CTSS: variants seen among roughly 807,000 people sequenced by gnomAD.
The protein encoded by CTSS is cathepsin S.
In CTSS, 15 loss-of-function variants were observed where a neutral mutation model predicts 39.9. The ratio of observed to expected loss-of-function variants is 0.38; its 90% confidence interval spans 0.25 to 0.58. CTSS has a LOEUF of 0.58. CTSS is among the 20% of genes least tolerant of loss of function. The pLI, the probability that CTSS is intolerant of heterozygous loss-of-function variation, is 0.70. For synonymous variants in CTSS, 126 were observed against 138.2 expected, an observed-to-expected ratio of 0.91 and a Z score of 0.62; for missense variants, 250 against 398.2, an observed-to-expected ratio of 0.63 and a Z score of 3.17.
At chr1:150,763,160 C>T (rs1182011101) in intron 2 of CTSS, among the ~76,000 whole-genome samples, 1 of 150,280 alleles carries the variant, frequency 6.7e-6, no homozygotes, top group Non-Finnish European at 1.5e-5. Context: ...GTCTAGAGAA[C>T]GTTATGCTAA....
At chr1:150,739,849 A>G (rs1421870414) in intron 7 of CTSS, among the ~76,000 whole-genome samples, 1 of 152,142 alleles carries the variant, frequency 6.6e-6, no homozygotes, top group Non-Finnish European at 1.5e-5. Flanking sequence ...TTCCATTGTA[A>G]GAAGGCTGAT....
At position 150,732,103 on chromosome 1, in the gene CTSS, T is replaced by C. The variant is rs962049608; in HGVS notation, c.*943A>G. The C allele has an allele frequency of 6.6e-6, 1 of 152,244 alleles. No individual in the cohort carries two copies. The highest frequency in any genetic ancestry group is 1.5e-5 in the Non-Finnish European group (1 of 68,154). The allele number at this position is 152,244 out of a possible 1,614,324, so 9.4% of individuals were successfully genotyped here. Reference sequence around the variant, plus strand: ...CTTTTTTATTTTTGTGGAGACAAGGTCTCACTATGTTGTCCAGGCTGGTCT... The same window carrying C: ...CTTTTTTATTTTTGTGGAGACAAGGCCTCACTATGTTGTCCAGGCTGGTCT... On this transcript the variant is annotated 3_prime_UTR_variant, in exon 8 of 8. Transcript: ENST00000368985.
intron 4 of CTSS, among the ~76,000 whole-genome samples, chr1:150,754,178 A>G (rs368237656): frequency 1.4e-5 from 2 of 145,238 alleles, no homozygotes; most frequent in Non-Finnish European, 3.0e-5. Context: ...CAGTGGCAAG[A>G]TCTCAGCTCA....
intron 4 of CTSS, among the ~76,000 whole-genome samples, chr1:150,753,819 T>G (rs963036332): frequency 6.6e-6 from 1 of 151,982 alleles, no homozygotes; most frequent in Non-Finnish European, 1.5e-5. Context: ...TGGTGGTGTG[T>G]GCCTGTAGTC....
chr1:150,763,140 A>G (rs1468080067), intron 2 of CTSS, among the ~76,000 whole-genome samples: 1 of 152,104 alleles, frequency 6.6e-6, no homozygotes, highest in Non-Finnish European at 1.5e-5. Context: ...ATTTTCAACA[A>G]CATGGATGGG....
chr1:150,741,807 G>A (rs906433786), intron 7 of CTSS, among the ~76,000 whole-genome samples: 7 of 151,882 alleles, frequency 4.6e-5, no homozygotes, highest in Non-Finnish European at 8.8e-5. Context: ...CCTGGGAGAC[G>A]GAGGTTGCAG....
At chr1:150,762,288 A>T (rs1346520102) in intron 2 of CTSS, among the ~76,000 whole-genome samples, 1 of 152,214 alleles carries the variant, frequency 6.6e-6, no homozygotes, top group Non-Finnish European at 1.5e-5. Flanking sequence ...AAAATGAATT[A>T]AAGCACAAAC....
intron 4 of CTSS, among the ~76,000 whole-genome samples, 158 bp downstream of exon 4, chr1:150,754,843 C>T (rs1233014105): frequency 3.3e-5 from 5 of 152,024 alleles, no homozygotes; most frequent in Non-Finnish European, 7.4e-5. Flanking sequence ...TGATCCTTGC[C>T]CTTAAGGAAC....
At chr1:150,752,860 T>G (rs587766537) in intron 4 of CTSS, among the ~76,000 whole-genome samples, 3,326 of 152,002 alleles carry the variant, frequency 0.022, 65 homozygotes, top group Non-Finnish European at 0.034. Flanking sequence ...CTTCTTTTTG[T>G]TTGTTTGTTT....
At chr1:150,760,345 G>A (rs1389432191) in intron 2 of CTSS, among the ~76,000 whole-genome samples, 1 of 151,974 alleles carries the variant, frequency 6.6e-6, no homozygotes, top group African/African-American at 2.4e-5. Context: ...ACATATAGAA[G>A]GAATGTTCCT....
intron 7 of CTSS, among the ~76,000 whole-genome samples, chr1:150,738,668 C>A (rs1015411495): frequency 2.0e-5 from 3 of 151,814 alleles, no homozygotes; most frequent in Non-Finnish European, 2.9e-5. Flanking sequence ...AAAAAACTAT[C>A]TGTAGAGACA....
In CTSS at chr1:150,757,078, T is replaced by TA. The variant is rs200795902; in HGVS notation, c.249+779dup. 6.4e-3 allele frequency among the ~76,000 whole-genome samples: 972 copies of TA among 152,248 alleles called. 8 individuals carry two copies. The highest frequency in any genetic ancestry group is 8.8e-3 in the Admixed American group (134 of 15,288). On this transcript the variant is annotated intron_variant, in intron 3 of 7. Transcript: ENST00000368985. ...AATATATTTAAAAACTGCCATGGAATAAAAAAACTGAGAAAAAACAGTAAT... is the reference window on the plus strand; with the variant it reads ...AATATATTTAAAAACTGCCATGGAATAAAAAAAACTGAGAAAAAACAGTAAT...
intron 3 of CTSS, 37 bp downstream of exon 3, chr1:150,757,821 C>T (rs764610204): frequency 4.4e-6 from 7 of 1,598,868 alleles, no homozygotes; most frequent in Non-Finnish European, 6.0e-6. Context: ...TGATATTTAC[C>T]CAGACGTGAA....
At chr1:150,746,577 C>T (rs895645685) in intron 7 of CTSS, among the ~76,000 whole-genome samples, 1 of 151,964 alleles carries the variant, frequency 6.6e-6, no homozygotes, top group South Asian at 2.1e-4. Flanking sequence ...GACATTTTGG[C>T]AGCATAGAAA....
intron 1 of CTSS, 143 bp from the exon 2 acceptor site, chr1:150,764,907 G>A (rs1653340789): frequency 1.1e-6 from 1 of 912,446 alleles, no homozygotes; most frequent in Non-Finnish European, 1.6e-6. Context: ...AAATTCCTGG[G>A]ATATATAGTC....
intron 7 of CTSS, among the ~76,000 whole-genome samples, chr1:150,741,807 G>T (rs906433786): frequency 6.6e-6 from 1 of 151,884 alleles, no homozygotes. Context: ...CCTGGGAGAC[G>T]GAGGTTGCAG....
chr1:150,745,717 T>A (rs1652880442), intron 7 of CTSS, among the ~76,000 whole-genome samples: 1 of 151,814 alleles, frequency 6.6e-6, no homozygotes, highest in Admixed American at 6.6e-5. Flanking sequence ...ACAGGGAGAA[T>A]GTCATGTGAA....
chr1:150,742,776 C>T (rs993137892), intron 7 of CTSS, among the ~76,000 whole-genome samples: 3 of 152,004 alleles, frequency 2.0e-5, no homozygotes, highest in Admixed American at 2.0e-4. Context: ...CAAGATGATG[C>T]TTAGGCTTTA....
Position 150,732,953 on chromosome 1 carries a change from T to C in CTSS, c.*93A>G. ...TAGTACAGTAAATACACATTAATCA[T>C]GACACAATTATTTCTTCTGGATACA... is the stretch of plus-strand genomic sequence containing the variant. On this transcript the variant is annotated 3_prime_UTR_variant, in exon 8 of 8. Coordinates refer to ENST00000368985, the MANE Select transcript of CTSS (RefSeq NM_004079.5). 4.4e-6 allele frequency: 4 copies of C among 910,150 alleles called. No individual in the cohort carries two copies. Among genetic ancestry groups the C allele is most frequent in the Non-Finnish European group, 6.9e-6 (4 of 578,946 alleles). 56.4% of individuals were successfully genotyped at this position (910,150 alleles called of 1,614,324 possible).
Sources: gnomAD v4.1 joint callset for allele counts (sites outside exome capture counted in the v4.1 genomes callset) on GRCh38, gnomAD v4.1.1 for gene constraint, MANE v1.5 for transcripts, NCBI Gene and HGNC (gene_info 2026-07-23, HGNC 2026-07-21) for gene names.